ALOX5: variants seen among roughly 807,000 people sequenced by gnomAD.
ALOX5 encodes the protein polyunsaturated fatty acid 5-lipoxygenase.
ALOX5 carries 64 observed loss-of-function variants against 87.9 expected under a neutral mutation model. The observed-to-expected ratio is 0.73, with a 90% CI of 0.60 to 0.90. The LOEUF is 0.90. Ranked by LOEUF, ALOX5 falls within the 40% of genes least tolerant of loss-of-function variation. The pLI, the probability that ALOX5 is intolerant of heterozygous loss-of-function variation, is 0.00. For synonymous variants in ALOX5, 388 were observed against 355.1 expected, an observed-to-expected ratio of 1.09 and a Z score of -1.04; for missense variants, 822 against 907.5, an observed-to-expected ratio of 0.91 and a Z score of 1.21.
chr10:45,440,715 G>T, intron 8 of ALOX5, 82 bp downstream of exon 8: 1 of 1,454,624 alleles, frequency 6.9e-7, no homozygotes, highest in Middle Eastern at 2.2e-4. Flanking sequence ...CCCACAGGGG[G>T]ACCTGTGGCT....
At chr10:45,400,521 C>T (rs2018518) in intron 3 of ALOX5, among the ~76,000 whole-genome samples, 41,496 of 152,046 alleles carry the variant, frequency 0.27, 7,127 homozygotes, top group East Asian at 0.51. Context: ...ATCACTTGAA[C>T]CCGGGAGGCG....
intron 3 of ALOX5, among the ~76,000 whole-genome samples, chr10:45,399,675 A>C (rs192063108): frequency 6.6e-6 from 1 of 152,352 alleles, no homozygotes; most frequent in Non-Finnish European, 1.5e-5. Context: ...TCTATGCTTC[A>C]AAGGACATCA....
At chr10:45,436,515 C>T (rs1051010877) in intron 7 of ALOX5, among the ~76,000 whole-genome samples, 1 of 152,080 alleles carries the variant, frequency 6.6e-6, no homozygotes, top group African/African-American at 2.4e-5. Flanking sequence ...GATGTCCTTT[C>T]CTTATTGTTT....
chr10:45,437,528 C>T (rs902296849), intron 7 of ALOX5, among the ~76,000 whole-genome samples: 1 of 152,070 alleles, frequency 6.6e-6, no homozygotes, highest in Non-Finnish European at 1.5e-5. Flanking sequence ...TAAGCCCTAT[C>T]ATATGTAGCT....
chr10:45,423,889 C>T (rs1841594637), intron 4 of ALOX5, 152 bp from the exon 5 acceptor site: 1 of 682,666 alleles, frequency 1.5e-6, no homozygotes, highest in African/African-American at 1.8e-5. Context: ...ATGCCAGTTT[C>T]TGACCTGGTT....
chr10:45,427,318 C>T (rs540351442), intron 6 of ALOX5, among the ~76,000 whole-genome samples: 22 of 152,336 alleles, frequency 1.4e-4, no homozygotes, highest in African/African-American at 4.8e-4. Context: ...GGCAAGACAT[C>T]ACTGTGCCCG....
intron 4 of ALOX5, among the ~76,000 whole-genome samples, chr10:45,414,250 A>G (rs1158456542): frequency 2.6e-5 from 4 of 152,222 alleles, no homozygotes; most frequent in African/African-American, 7.2e-5. Flanking sequence ...ATATAGACCA[A>G]TGGAACAGAA....
chr10:45,385,810 A>G (rs995217133), intron 2 of ALOX5, among the ~76,000 whole-genome samples: 1 of 152,160 alleles, frequency 6.6e-6, no homozygotes. Flanking sequence ...TTTGGACCCC[A>G]GTTCCAAGCT....
intron 2 of ALOX5, among the ~76,000 whole-genome samples, chr10:45,387,559 G>A (rs1291135509): frequency 1.3e-5 from 2 of 152,180 alleles, no homozygotes; most frequent in African/African-American, 4.8e-5. Flanking sequence ...GAAGAGTCTT[G>A]AGGGGCTGAG....
At chr10:45,414,529 C>T (rs1202753571) in intron 4 of ALOX5, among the ~76,000 whole-genome samples, 1 of 152,120 alleles carries the variant, frequency 6.6e-6, no homozygotes. Flanking sequence ...TAGGCATGGG[C>T]AAGGACTTCA....
intron 2 of ALOX5, among the ~76,000 whole-genome samples, chr10:45,392,705 TAAAAAAAAAGA>T (rs1840332479): frequency 2.3e-5 from 3 of 131,022 alleles, no homozygotes; most frequent in East Asian, 2.1e-4. Flanking sequence ...AATGATCAAT[TAAAAAAAAAGA>T]AAAAAAAAAG....
At chr10:45,385,099 G>C (rs1463795059) in intron 2 of ALOX5, among the ~76,000 whole-genome samples, 2 of 152,076 alleles carry the variant, frequency 1.3e-5, no homozygotes, top group Non-Finnish European at 2.9e-5. Flanking sequence ...CACCCGGCTC[G>C]GCCTCCCAAA....
intron 7 of ALOX5, among the ~76,000 whole-genome samples, chr10:45,432,657 A>T (rs1233716443): frequency 1.3e-5 from 2 of 152,228 alleles, no homozygotes; most frequent in African/African-American, 4.8e-5. Context: ...CTCATCATGT[A>T]GAGGAGTTGC....
At position 45,444,219 on chromosome 10, in the gene ALOX5, C is replaced by A; in HGVS notation, c.1778C>A (p.Pro593His). 1 of 1,554,410 alleles carries A rather than the reference C, an allele frequency of 6.4e-7. No individual in the cohort carries two copies. The highest frequency in any genetic ancestry group is 1.4e-5 in the African/African-American group (1 of 73,568). ...ATTGAGCAGATCGTGGACACGCTGC[C>A]CGACCGCGGCCGCTCCTGCTGGCAT... The part of the protein sequence containing the change: ...VTIEQIVDTL[P>H]DRGRSCWHLG... The change falls in exon 13 of 14, where the codon CCC becomes CAC. Residue 593 changes from proline to histidine, a missense_variant. Coordinates refer to ENST00000374391, the MANE Select transcript of ALOX5 (RefSeq NM_000698.5).
intron 2 of ALOX5, among the ~76,000 whole-genome samples, chr10:45,387,787 T>G (rs1005285377): frequency 6.6e-6 from 1 of 151,986 alleles, no homozygotes; most frequent in African/African-American, 2.4e-5. Context: ...AGCACAGGAG[T>G]TGAGTTTTAT....
At chr10:45,399,015 A>T (rs963061935) in intron 3 of ALOX5, among the ~76,000 whole-genome samples, 2 of 152,256 alleles carry the variant, frequency 1.3e-5, no homozygotes, top group African/African-American at 4.8e-5. Context: ...ATGCATGATT[A>T]TAGCAGCATG....
chr10:45,391,588 T>C, intron 2 of ALOX5, among the ~76,000 whole-genome samples: 1 of 148,684 alleles, frequency 6.7e-6, no homozygotes, highest in East Asian at 2.0e-4. Flanking sequence ...TCTGCCTGGC[T>C]GCCCAGTCTG....
intron 4 of ALOX5, among the ~76,000 whole-genome samples, chr10:45,423,058 G>A (rs1841562791): frequency 6.6e-6 from 1 of 152,140 alleles, no homozygotes; most frequent in Non-Finnish European, 1.5e-5. Flanking sequence ...CCTCCCAAAG[G>A]CCCCATCTCC....
intron 12 of ALOX5, 99 bp downstream of exon 12, chr10:45,443,927 T>C: frequency 6.8e-7 from 1 of 1,460,502 alleles, no homozygotes; most frequent in Non-Finnish European, 9.2e-7. Context: ...TCGGACAGCC[T>C]CGGGGCCTGG....
Sources: gnomAD v4.1 joint callset for allele counts (sites outside exome capture counted in the v4.1 genomes callset) on GRCh38, gnomAD v4.1.1 for gene constraint, MANE v1.5 for transcripts, NCBI Gene and HGNC (gene_info 2026-07-23, HGNC 2026-07-21) for gene names.